Variants in FBRSL1 observed in about 807,000 individuals in gnomAD.
FBRSL1 encodes the protein fibrosin-1-like protein.
In FBRSL1, 51 loss-of-function variants were observed where a neutral mutation model predicts 89.6. The ratio of observed to expected loss-of-function variants is 0.57; its 90% confidence interval spans 0.45 to 0.72. The LOEUF (loss-of-function observed/expected upper bound fraction) is 0.72, where lower values mean the gene tolerates loss of function less well. FBRSL1 is among the 30% of genes least tolerant of loss of function. The pLI is 0.00. For missense variants in FBRSL1, 1,618 were observed against 1,451.8 expected, an observed-to-expected ratio of 1.11 and a Z score of -1.86; for synonymous variants, 779 against 681.1, an observed-to-expected ratio of 1.14 and a Z score of -2.24.
chr12:132,501,712 G>A (rs2032988152), intron 1 of FBRSL1, among the ~76,000 whole-genome samples: 1 of 152,214 alleles, frequency 6.6e-6, no homozygotes. Context: ...CAGGACAGGG[G>A]CCTCTGGAGA....
At chr12:132,524,572 C>T (rs554892367) in intron 2 of FBRSL1, among the ~76,000 whole-genome samples, 2 of 152,336 alleles carry the variant, frequency 1.3e-5, no homozygotes, top group South Asian at 2.1e-4. Flanking sequence ...CGGGTTTCCC[C>T]GGGCTGGGGC....
chr12:132,549,643 C>T (rs564114442), intron 5 of FBRSL1, among the ~76,000 whole-genome samples: 11 of 152,352 alleles, frequency 7.2e-5, no homozygotes, highest in Non-Finnish European at 1.6e-4. Flanking sequence ...CTCCCCTCCC[C>T]GCCTGCCTTA....
At chr12:132,581,158 C>G in intron 15 of FBRSL1, 1 of 985,224 alleles carries the variant, frequency 1.0e-6, no homozygotes, top group Middle Eastern at 5.2e-4. Context: ...AAGTTGCAGC[C>G]CCTTTGCTCC....
intron 5 of FBRSL1, chr12:132,566,201 G>C (rs1304818452): frequency 6.6e-6 from 1 of 151,984 alleles, no homozygotes; most frequent in Non-Finnish European, 1.5e-5. Flanking sequence ...GTGCCTCTCC[G>C]CTGCGTCCTC....
At chr12:132,537,970 A>T (rs2137136428) in intron 4 of FBRSL1, among the ~76,000 whole-genome samples, 1 of 152,250 alleles carries the variant, frequency 6.6e-6, no homozygotes, top group South Asian at 2.1e-4. Context: ...CTGCACGGAG[A>T]GCTCGGGGGA....
intron 15 of FBRSL1, among the ~76,000 whole-genome samples, chr12:132,577,758 C>T (rs1367745799): frequency 6.6e-6 from 1 of 152,234 alleles, no homozygotes; most frequent in East Asian, 1.9e-4. Context: ...GGCACAGGCC[C>T]CCAGGAGGAA....
At chr12:132,513,311 G>T (rs1240611895) in intron 2 of FBRSL1, among the ~76,000 whole-genome samples, 1 of 152,166 alleles carries the variant, frequency 6.6e-6, no homozygotes, top group Non-Finnish European at 1.5e-5. Flanking sequence ...TTCTGGAAGG[G>T]GTTGGTACTC....
chr12:132,527,775 C>T (rs1190930834), intron 3 of FBRSL1, among the ~76,000 whole-genome samples, 178 bp from the exon 4 acceptor site: 4 of 137,614 alleles, frequency 2.9e-5, no homozygotes, highest in Middle Eastern at 3.8e-3. Context: ...TTGTGGGCTG[C>T]GGGGCTGCCG....
chr12:132,536,475 T>C (rs1027027969), intron 4 of FBRSL1, among the ~76,000 whole-genome samples: 4 of 151,214 alleles, frequency 2.6e-5, no homozygotes, highest in Admixed American at 1.3e-4. Context: ...AGTGTGTGAA[T>C]GCACATGTAC....
At chr12:132,515,115 C>G (rs1459252071) in intron 2 of FBRSL1, among the ~76,000 whole-genome samples, 1 of 152,154 alleles carries the variant, frequency 6.6e-6, no homozygotes, top group Non-Finnish European at 1.5e-5. Context: ...TGCTGTCTGT[C>G]TCCTCATCCT....
chr12:132,498,674 G>GT (rs1224472581), intron 1 of FBRSL1, among the ~76,000 whole-genome samples: 1 of 152,180 alleles, frequency 6.6e-6, no homozygotes, highest in Non-Finnish European at 1.5e-5. Flanking sequence ...ACTGCACAGG[G>GT]CCCCCCATCC....
At chr12:132,525,213 G>A (rs2035689848) in intron 2 of FBRSL1, among the ~76,000 whole-genome samples, 1 of 152,246 alleles carries the variant, frequency 6.6e-6, no homozygotes, top group Admixed American at 6.5e-5. Context: ...CTCTGGCATG[G>A]AGCCGACCGA....
intron 6 of FBRSL1, among the ~76,000 whole-genome samples, chr12:132,569,186 C>T (rs2137839486): frequency 7.5e-6 from 1 of 133,060 alleles, no homozygotes; most frequent in African/African-American, 2.8e-5. Context: ...CCGAAGGGGC[C>T]TGAAAAGGAG....
intron 4 of FBRSL1, among the ~76,000 whole-genome samples, chr12:132,537,298 A>C (rs992622540): frequency 1.3e-5 from 2 of 152,104 alleles, no homozygotes; most frequent in Admixed American, 6.5e-5. Flanking sequence ...GTTCCTGTCC[A>C]GTGTGTGAGT....
Position 132,527,995 on chromosome 12 carries a change from C to G in FBRSL1, c.615+7C>G. The G allele has an allele frequency of 6.4e-7, 1 of 1,551,208 alleles. No homozygotes were observed. Among genetic ancestry groups the G allele is most frequent in the Non-Finnish European group, 8.7e-7 (1 of 1,146,712 alleles). ...CTCGGGGAGAGGCTACTCTGTAAGTCTCCCAGCACCCCTCCTCCATCTTTG... is the reference window on the plus strand; with the variant it reads ...CTCGGGGAGAGGCTACTCTGTAAGTGTCCCAGCACCCCTCCTCCATCTTTG... On this transcript the variant is annotated splice_region_variant and intron_variant, in intron 4 of 18. Coordinates refer to ENST00000680143, the MANE Select transcript of FBRSL1 (RefSeq NM_001367871.1).
intron 17 of FBRSL1, 65 bp downstream of exon 17, chr12:132,581,889 C>G: frequency 7.0e-7 from 1 of 1,426,754 alleles, no homozygotes; most frequent in Non-Finnish European, 9.4e-7. Context: ...CCTGTGTCCT[C>G]TGCAGGAACC....
rs2041005357 is a variant in FBRSL1, at chr12:132,584,517, A to G, written c.*739A>G. ...CGCTGCTGGCTGTAAACATTATCAGAAGTTTAATGGCAGCAACTTTCCTTC... is the reference window on the plus strand; with the variant it reads ...CGCTGCTGGCTGTAAACATTATCAGGAGTTTAATGGCAGCAACTTTCCTTC... On this transcript the variant is annotated 3_prime_UTR_variant, in exon 19 of 19. Transcript: ENST00000680143. 6.6e-6 allele frequency: 1 copy of G among 152,222 alleles called. No individual in the cohort carries two copies. Among genetic ancestry groups the G allele is most frequent in the Non-Finnish European group, 1.5e-5 (1 of 68,038 alleles). 9.4% of individuals were successfully genotyped at this position (152,222 alleles called of 1,614,324 possible). A position where few individuals can be genotyped will look rare whatever the true frequency, so the allele number is the denominator to read the frequency against.
At position 132,564,633 on chromosome 12, in the gene FBRSL1, C is replaced by T. The variant is rs563137741; in HGVS notation, c.646-2848C>T. ...GCCTCAGCCTCCCGAGTAGCTGGGA[C>T]TACAGGCGCCCGCCACCACGCCCGG... On this transcript the variant is annotated intron_variant, in intron 5 of 18. Transcript: ENST00000680143. 4.9e-3 allele frequency among the ~76,000 whole-genome samples: 607 copies of T among 124,834 alleles called. 44 individuals carry two copies. The highest frequency in any genetic ancestry group is 0.011 in the Middle Eastern group (3 of 274). The allele number at this position is 124,834 out of a possible 152,430, so 81.9% of individuals were successfully genotyped here.
intron 2 of FBRSL1, among the ~76,000 whole-genome samples, chr12:132,518,891 A>C (rs900326415): frequency 1.3e-5 from 2 of 149,954 alleles, no homozygotes; most frequent in Non-Finnish European, 1.5e-5. Context: ...CCATGCATCT[A>C]TCCATCCACC....
Sources: allele counts gnomAD v4.1 joint callset (sites outside exome capture counted in the v4.1 genomes callset), GRCh38; gene constraint gnomAD v4.1.1; transcripts MANE v1.5; gene names NCBI Gene and HGNC (gene_info 2026-07-23, HGNC 2026-07-21).